Variants in USP49 observed in about 807,000 individuals in gnomAD.
USP49 encodes the protein ubiquitin specific peptidase 49.
USP49 carries 24 observed loss-of-function variants against 58.6 expected under a neutral mutation model. The observed-to-expected ratio is 0.41, with a 90% CI of 0.30 to 0.58. The LOEUF is 0.58. Among genes scored for constraint, USP49 ranks in the 20% least tolerant of loss-of-function variants. The pLI is 0.30. For missense variants in USP49, 703 were observed against 866.1 expected, an observed-to-expected ratio of 0.81 and a Z score of 2.36; for synonymous variants, 408 against 365.1, an observed-to-expected ratio of 1.12 and a Z score of -1.34.
At chr6:41,831,118 G>A (rs763767670) in intron 3 of USP49, among the ~76,000 whole-genome samples, 19 of 152,096 alleles carry the variant, frequency 1.2e-4, no homozygotes, top group Non-Finnish European at 8.8e-5. Flanking sequence ...ATTGCCAGGC[G>A]CAGTGGCTCA....
intron 3 of USP49, among the ~76,000 whole-genome samples, chr6:41,820,139 A>G (rs919443596): frequency 1.3e-5 from 2 of 151,968 alleles, no homozygotes; most frequent in Non-Finnish European, 2.9e-5. Flanking sequence ...ATAACTGGGG[A>G]AAAATGTTTT....
rs1321250121 is a variant in USP49, at chr6:41,803,976, G to C, written c.1391C>G (p.Thr464Ser). 6.2e-7 allele frequency: 1 copy of C among 1,614,110 alleles called. No homozygotes were observed. Among genetic ancestry groups the C allele is most frequent in the Non-Finnish European group, 8.5e-7 (1 of 1,180,032 alleles). The change falls in exon 5 of 8, where the codon ACC becomes AGC. Residue 464 changes from threonine (T) to serine (S), a missense_variant. This residue lies in a region of USP49 where 158 missense variants were observed against 241.2 expected (regional missense o/e 0.66). Coordinates refer to ENST00000682992, the MANE Select transcript of USP49 (RefSeq NM_001286554.2). The surrounding 1 kb of genome is among the most constrained non-coding windows in gnomAD (Gnocchi z 4.1). ...GGATAGGTCCCAAAAGGGCTCAATG[G>C]TATTGGATTTGTAATTGCATGATAT... ...TCISCNYKSN[T>S]IEPFWDLSLE...
rs910076199 is a variant in USP49, at chr6:41,791,683, C to A, written c.*4850G>T. The A allele has an allele frequency of 6.6e-6, 1 of 152,074 alleles. No individual in the cohort carries two copies. Among genetic ancestry groups the A allele is most frequent in the African/African-American group, 2.4e-5 (1 of 41,388 alleles). The allele number at this position is 152,074 out of a possible 1,614,324, so 9.4% of individuals were successfully genotyped here. ...TGCCAGCAGAAGTATGGAATGAGTC[C>A]ACAAAAATGAGTGCCTGCCACAATG... On this transcript the variant is annotated 3_prime_UTR_variant, in exon 8 of 8. Coordinates refer to ENST00000682992, the MANE Select transcript of USP49 (RefSeq NM_001286554.2).
intron 7 of USP49, among the ~76,000 whole-genome samples, chr6:41,796,954 T>C (rs934291956): frequency 6.7e-6 from 1 of 148,214 alleles, no homozygotes; most frequent in African/African-American, 2.5e-5. Flanking sequence ...AATTTTTTTT[T>C]TTTTTTTTTT....
chr6:41,893,950 T>C (rs1774851439), intron 1 of USP49: 1 of 152,100 alleles, frequency 6.6e-6, no homozygotes, highest in Non-Finnish European at 1.5e-5. Flanking sequence ...CCTCGTCTTC[T>C]GCACCAAAGG....
intron 4 of USP49, 116 bp from the exon 5 acceptor site, chr6:41,804,126 T>C (rs140214946): frequency 0.032 from 25,555 of 801,228 alleles, 759 homozygotes; most frequent in Admixed American, 0.13. Flanking sequence ...TTTCAAAAAA[T>C]AGTAATATTA....
At chr6:41,869,090 T>C (rs1195456519) in intron 3 of USP49, among the ~76,000 whole-genome samples, 1 of 151,534 alleles carries the variant, frequency 6.6e-6, no homozygotes, top group Non-Finnish European at 1.5e-5. Flanking sequence ...CTTTTTTTTT[T>C]TTTTTTTAAT....
intron 5 of USP49, among the ~76,000 whole-genome samples, chr6:41,800,733 T>G (rs1016381884): frequency 6.6e-6 from 1 of 152,252 alleles, no homozygotes; most frequent in Non-Finnish European, 1.5e-5. Context: ...AATGCATATC[T>G]TTCAGGCTTA....
At chr6:41,835,664 A>G (rs1773710914) in intron 3 of USP49, among the ~76,000 whole-genome samples, 3 of 151,758 alleles carry the variant, frequency 2.0e-5, no homozygotes, top group Admixed American at 6.6e-5. Context: ...CAGTGAGCCA[A>G]GATTGCGCCA....
At position 41,806,270 on chromosome 6, in the gene USP49, G is replaced by A. The variant is rs748647454; in HGVS notation, c.714C>T (p.Ala238=). Residue 238 remains alanine (A), a synonymous_variant, in exon 4 of 8, where the codon GCC becomes GCT. Coordinates refer to ENST00000682992, the MANE Select transcript of USP49 (RefSeq NM_001286554.2). The surrounding 1 kb of genome is among the most constrained non-coding windows in gnomAD (Gnocchi z 5.9). The part of the protein sequence containing the change: ...ALPTSRRVPA[A]TLKLRRQPAM... ...CCGGCTGGCGACGCAGCTTGAGTGT[G>A]GCGGCGGGCACTCTGCGTGAGGTAG... 1.2e-5 allele frequency: 20 copies of A among 1,604,882 alleles called. No homozygotes were observed. Among genetic ancestry groups the A allele is most frequent in the Non-Finnish European group, 1.4e-5 (16 of 1,179,532 alleles).
chr6:41,810,456 T>G (rs1290780514), intron 3 of USP49, among the ~76,000 whole-genome samples: 1 of 150,688 alleles, frequency 6.6e-6, no homozygotes, highest in Non-Finnish European at 1.5e-5. Context: ...GCCATCGCAC[T>G]CCAGCCTGGG....
At chr6:41,866,734 C>T (rs181108086) in intron 3 of USP49, among the ~76,000 whole-genome samples, 51 of 152,182 alleles carry the variant, frequency 3.4e-4, no homozygotes, top group Non-Finnish European at 4.6e-4. Flanking sequence ...TCTGCTTCTG[C>T]GTTCAGTCAA....
intron 4 of USP49, 109 bp from the exon 5 acceptor site, chr6:41,804,119 C>A: frequency 1.2e-6 from 1 of 864,304 alleles, no homozygotes; most frequent in Non-Finnish European, 1.7e-6. Context: ...GTATAATTTT[C>A]AAAAAATAGT....
intron 3 of USP49, among the ~76,000 whole-genome samples, chr6:41,847,755 T>C (rs1773948356): frequency 1.3e-5 from 2 of 150,718 alleles, no homozygotes; most frequent in South Asian, 4.2e-4. Flanking sequence ...AGGAAACAGA[T>C]TGGCAAAGAG....
At chr6:41,879,131 A>T (rs1774558378) in intron 2 of USP49, among the ~76,000 whole-genome samples, 1 of 152,216 alleles carries the variant, frequency 6.6e-6, no homozygotes, top group Admixed American at 6.5e-5. Context: ...ATGGTGGCTC[A>T]TGCCTATAAT....
At chr6:41,876,012 G>C (rs998862743) in intron 2 of USP49, among the ~76,000 whole-genome samples, 4 of 152,198 alleles carry the variant, frequency 2.6e-5, no homozygotes, top group Admixed American at 2.0e-4. Flanking sequence ...TTACAGGTGT[G>C]AGCCACCATG....
chr6:41,880,283 A>G (rs1774581304), intron 2 of USP49, among the ~76,000 whole-genome samples: 1 of 152,138 alleles, frequency 6.6e-6, no homozygotes, highest in Non-Finnish European at 1.5e-5. Flanking sequence ...AAATTAAAGG[A>G]CTCATCAGTC....
chr6:41,835,436 G>A (rs757688662), intron 3 of USP49, among the ~76,000 whole-genome samples: 2 of 152,134 alleles, frequency 1.3e-5, no homozygotes, highest in South Asian at 2.1e-4. Flanking sequence ...AAATCTGGCC[G>A]GGTGCAGTGG....
chr6:41,810,245 C>A (rs2127326470), intron 3 of USP49, among the ~76,000 whole-genome samples: 1 of 151,872 alleles, frequency 6.6e-6, no homozygotes, highest in South Asian at 2.1e-4. Context: ...TTTTGGGAGA[C>A]CGAGGCAGGC....
Sources: gnomAD v4.1 joint callset for allele counts (sites outside exome capture counted in the v4.1 genomes callset) on GRCh38, gnomAD v4.1.1 for gene constraint, gnomAD v4.1.1 regional missense constraint, Gnocchi (gnomAD v3.1) non-coding constraint, MANE v1.5 for transcripts, NCBI Gene and HGNC (gene_info 2026-07-23, HGNC 2026-07-21) for gene names.